The following IMMP2L variants were observed in gnomAD, a reference collection of about 807,000 sequenced individuals.
The protein encoded by IMMP2L is mitochondrial inner membrane protease subunit 2.
Under a neutral mutation model 19.3 loss-of-function variants are expected in IMMP2L, and 18 were observed. The ratio of observed to expected loss-of-function variants is 0.93; its 90% CI spans 0.64 to 1.38. The LOEUF is 1.38. Among genes scored for constraint, IMMP2L ranks in the 40% most tolerant of loss-of-function variants. The pLI is 0.00. For synonymous variants in IMMP2L, 76 were observed against 73.0 expected, an observed-to-expected ratio of 1.04 and a Z score of -0.21; for missense variants, 233 against 218.2, an observed-to-expected ratio of 1.07 and a Z score of -0.43.
chr7:111,116,517 C>G (rs1799899209), intron 3 of IMMP2L, among the ~76,000 whole-genome samples: 1 of 152,022 alleles, frequency 6.6e-6, no homozygotes, highest in African/African-American at 2.4e-5. Context: ...TAATTTTTCT[C>G]TAATAAACAA....
chr7:111,206,140 C>A (rs1276293955), intron 3 of IMMP2L, among the ~76,000 whole-genome samples: 2 of 152,130 alleles, frequency 1.3e-5, no homozygotes. Context: ...TCTTACACAG[C>A]TGTGATTTTA....
chr7:111,293,280 T>A (rs574430058), intron 3 of IMMP2L, among the ~76,000 whole-genome samples: 7 of 152,132 alleles, frequency 4.6e-5, no homozygotes, highest in African/African-American at 1.7e-4. Flanking sequence ...AAAATATTAA[T>A]CCTTTTCACT....
At chr7:110,666,271 G>A (rs1373059696) in intron 5 of IMMP2L, among the ~76,000 whole-genome samples, 3 of 127,828 alleles carry the variant, frequency 2.3e-5, no homozygotes, top group African/African-American at 4.8e-5. Context: ...TTTCTTGTTT[G>A]TTTGTTTGTT....
At chr7:111,499,902 G>C (rs1843999569) in intron 2 of IMMP2L, among the ~76,000 whole-genome samples, 2 of 152,118 alleles carry the variant, frequency 1.3e-5, no homozygotes, top group Admixed American at 1.3e-4. Flanking sequence ...GGTGATTTCT[G>C]CATTTCCATC....
intron 5 of IMMP2L, among the ~76,000 whole-genome samples, chr7:110,750,250 G>A (rs1331090113): frequency 7.6e-6 from 1 of 131,512 alleles, no homozygotes. Flanking sequence ...AGAACCAGCT[G>A]TAAGAGTTTT....
chr7:111,314,895 A>AT (rs918487718), intron 3 of IMMP2L, among the ~76,000 whole-genome samples: 3 of 152,142 alleles, frequency 2.0e-5, no homozygotes, highest in African/African-American at 4.8e-5. Flanking sequence ...AATATATTCT[A>AT]TTTTTTGTCT....
At chr7:111,295,807 G>A (rs980736301) in intron 3 of IMMP2L, among the ~76,000 whole-genome samples, 1 of 151,474 alleles carries the variant, frequency 6.6e-6, no homozygotes, top group Admixed American at 6.6e-5. Context: ...ATTTATGATA[G>A]TAATCCAAAG....
At chr7:111,556,102 A>G (rs1791323484) in intron 1 of IMMP2L, among the ~76,000 whole-genome samples, 1 of 146,486 alleles carries the variant, frequency 6.8e-6, no homozygotes, top group African/African-American at 2.5e-5. Context: ...AAAGCTCTCT[A>G]GGGGATTCTA....
intron 3 of IMMP2L, among the ~76,000 whole-genome samples, chr7:111,121,215 C>G (rs193065343): frequency 5.5e-4 from 84 of 152,148 alleles, no homozygotes; most frequent in Non-Finnish European, 1.1e-3. Flanking sequence ...TTGTTTTTTT[C>G]TTGTAAATTT....
chr7:111,178,624 T>C (rs1807349261), intron 3 of IMMP2L, among the ~76,000 whole-genome samples: 1 of 152,110 alleles, frequency 6.6e-6, no homozygotes, highest in Non-Finnish European at 1.5e-5. Context: ...CTAAGTCCTT[T>C]GTTGTCACTT....
intron 3 of IMMP2L, among the ~76,000 whole-genome samples, chr7:111,425,876 A>T (rs996156583): frequency 6.6e-6 from 1 of 151,286 alleles, no homozygotes; most frequent in African/African-American, 2.4e-5. Flanking sequence ...TTGCTAAATT[A>T]ATCAAACATA....
At chr7:110,951,845 C>T (rs547415778) in intron 4 of IMMP2L, among the ~76,000 whole-genome samples, 2 of 152,152 alleles carry the variant, frequency 1.3e-5, no homozygotes, top group Admixed American at 6.6e-5. Context: ...CTAATTAAAT[C>T]AATAACTTGA....
chr7:111,117,969 G>C (rs566020587), intron 3 of IMMP2L, among the ~76,000 whole-genome samples: 1 of 152,018 alleles, frequency 6.6e-6, no homozygotes. Context: ...AAAAGACAGT[G>C]GATTTTAAAT....
intron 3 of IMMP2L, among the ~76,000 whole-genome samples, chr7:111,058,172 A>T (rs1793685010): frequency 6.6e-6 from 1 of 152,132 alleles, no homozygotes; most frequent in Non-Finnish European, 1.5e-5. Context: ...AGATGCAGGC[A>T]CCCCAAAGAG....
At chr7:110,715,308 C>T (rs917443296) in intron 5 of IMMP2L, among the ~76,000 whole-genome samples, 1 of 151,948 alleles carries the variant, frequency 6.6e-6, no homozygotes, top group African/African-American at 2.4e-5. Context: ...CTTTTGCTAG[C>T]TTTGGGGTTC....
intron 1 of IMMP2L, among the ~76,000 whole-genome samples, chr7:111,540,391 TG>T (rs1848408877): frequency 6.6e-6 from 1 of 152,190 alleles, no homozygotes; most frequent in South Asian, 2.1e-4. Flanking sequence ...GGCACTTCAC[TG>T]GAAGTCAGGG....
In IMMP2L at chr7:111,122,647, G is replaced by A. The variant is rs1586426425; in HGVS notation, c.240-159082C>T. On this transcript the variant is annotated intron_variant, in intron 3 of 5. Transcript: ENST00000405709. ...TTATTTCAGTGAAGAAAAACTTTGT[G>A]GTTCTATGGCATTCATCATTTGACA... 27 of 727,286 alleles carry A rather than the reference G, an allele frequency of 3.7e-5. 1 individual carries two copies. The South Asian group carries it at 5.4e-4, about 14-fold the overall frequency. The allele number at this position is 727,286 out of a possible 1,614,324, so 45.1% of individuals were successfully genotyped here. A position where few individuals can be genotyped will look rare whatever the true frequency, so the allele number is the denominator to read the frequency against.
chr7:110,934,184 T>G (rs1297761709), intron 4 of IMMP2L, among the ~76,000 whole-genome samples: 2 of 152,212 alleles, frequency 1.3e-5, no homozygotes, highest in African/African-American at 4.8e-5. Flanking sequence ...CCTAATTTGA[T>G]TGTACTGTGG....
At chr7:111,422,460 G>C (rs902718189) in intron 3 of IMMP2L, among the ~76,000 whole-genome samples, 2 of 151,656 alleles carry the variant, frequency 1.3e-5, no homozygotes, top group Admixed American at 6.6e-5. Context: ...TGGATTCCTA[G>C]GTATTTTACT....
Sources: gnomAD v4.1 joint callset for allele counts (sites outside exome capture counted in the v4.1 genomes callset) on GRCh38, gnomAD v4.1.1 for gene constraint, MANE v1.5 for transcripts, NCBI Gene and HGNC (gene_info 2026-07-23, HGNC 2026-07-21) for gene names.